The following SEMA3A variants were observed in gnomAD, a reference collection of about 807,000 sequenced individuals.
The protein encoded by SEMA3A is semaphorin 3A, also known as semaphorin-3A.
A neutral mutation model predicts 97.9 loss-of-function variants in SEMA3A; 29 were observed. The ratio of observed to expected loss-of-function variants is 0.30; its 90% CI spans 0.22 to 0.40. The LOEUF (loss-of-function observed/expected upper bound fraction) is 0.40. Among genes scored for constraint, SEMA3A ranks in the 10% least tolerant of loss-of-function variants. The probability of loss-of-function intolerance (pLI) is 1.00; values close to 1 mark genes in which losing one functional copy is unlikely to be tolerated. For missense variants in SEMA3A, 763 were observed against 951.3 expected (o/e 0.80, Z 2.60); for synonymous variants, 321 against 323.7 (o/e 0.99, Z 0.09).
intron 3 of SEMA3A, among the ~76,000 whole-genome samples, chr7:84,230,682 G>A (rs1256070199): frequency 6.6e-6 from 1 of 151,582 alleles, no homozygotes; most frequent in Non-Finnish European, 1.5e-5. Context: ...TGTTGTCATC[G>A]GCTTGGTTTG....
chr7:84,283,916 A>T (rs959073677), intron 3 of SEMA3A, among the ~76,000 whole-genome samples: 1 of 152,018 alleles, frequency 6.6e-6, no homozygotes, highest in Non-Finnish European at 1.5e-5. Context: ...TATTCCTTAA[A>T]TTTTTTTCCT....
chr7:84,160,891 T>C (rs1372944103), intron 1 of SEMA3A, among the ~76,000 whole-genome samples: 2 of 150,588 alleles, frequency 1.3e-5, no homozygotes, highest in Non-Finnish European at 3.0e-5. Flanking sequence ...AAAAAATAAA[T>C]AAATAAATAA....
chr7:84,364,195 C>G (rs1055147441), intron 2 of SEMA3A, among the ~76,000 whole-genome samples: 1 of 151,322 alleles, frequency 6.6e-6, no homozygotes, highest in Non-Finnish European at 1.5e-5. Context: ...TAAACAAAAC[C>G]TTTTAGGAAC....
At chr7:84,065,790 C>T (rs1262381454) in intron 4 of SEMA3A, among the ~76,000 whole-genome samples, 2 of 152,084 alleles carry the variant, frequency 1.3e-5, no homozygotes, top group African/African-American at 4.8e-5. Context: ...AGCTTACCAA[C>T]CAAAAAGAGT....
intron 3 of SEMA3A, among the ~76,000 whole-genome samples, chr7:84,301,571 G>T (rs1801017218): frequency 6.6e-6 from 1 of 152,116 alleles, no homozygotes; most frequent in South Asian, 2.1e-4. Context: ...TTCATGCCAT[G>T]AAGTTTTGCT....
At chr7:84,394,035 A>G (rs1803659822) in intron 1 of SEMA3A, among the ~76,000 whole-genome samples, 1 of 152,144 alleles carries the variant, frequency 6.6e-6, no homozygotes, top group African/African-American at 2.4e-5. Context: ...TAAGCACAAG[A>G]AAAGAGCTGG....
chr7:84,093,971 C>G (rs1247029832), intron 4 of SEMA3A, among the ~76,000 whole-genome samples: 3 of 150,990 alleles, frequency 2.0e-5, no homozygotes, highest in Non-Finnish European at 4.4e-5. Flanking sequence ...GCACCAGGAA[C>G]CAAAGGCCAA....
chr7:84,134,694 C>G (rs535479215), intron 2 of SEMA3A, 100 bp downstream of exon 2: 5 of 920,922 alleles, frequency 5.4e-6, no homozygotes, highest in Non-Finnish European at 7.7e-6. Context: ...TAATTCAAAA[C>G]AATTTTCTGT....
chr7:84,379,437 C>T (rs143344187), intron 1 of SEMA3A, among the ~76,000 whole-genome samples: 23 of 152,052 alleles, frequency 1.5e-4, no homozygotes, highest in Admixed American at 5.2e-4. Context: ...CAAGGATAAA[C>T]GTTTCTCAGA....
chr7:84,086,604 A>ATAT (rs1382445049), intron 4 of SEMA3A, among the ~76,000 whole-genome samples: 2 of 141,492 alleles, frequency 1.4e-5, no homozygotes, highest in African/African-American at 5.2e-5. Context: ...TTATATTTAT[A>ATAT]ATCCTCACAA....
intron 4 of SEMA3A, among the ~76,000 whole-genome samples, chr7:84,099,098 T>G (rs1794868544): frequency 2.2e-5 from 1 of 45,840 alleles, no homozygotes; most frequent in Non-Finnish European, 6.6e-5. Context: ...TGAGACGGAG[T>G]CTCGCTCTGT....
intron 15 of SEMA3A, among the ~76,000 whole-genome samples, chr7:83,974,693 C>A (rs1789067210): frequency 6.6e-6 from 1 of 152,030 alleles, no homozygotes; most frequent in Non-Finnish European, 1.5e-5. Flanking sequence ...CTTAGCATGG[C>A]CAAATGGGAA....
Position 84,345,636 on chromosome 7 carries a change from A to G in SEMA3A, c.-169+26188T>C, listed in dbSNP as rs376596484. Among the ~76,000 whole-genome samples, 16 of 152,234 alleles carry G rather than the reference A, an allele frequency of 1.1e-4. No homozygotes were observed. In the East Asian group the frequency reaches 1.2e-3, roughly 11 times the overall value. On this transcript the variant is annotated intron_variant, in intron 2 of 3. Coordinates refer to the SEMA3A transcript ENST00000424555. ...TTTATACTCAAGAAACCACTTTCTT[A>G]TACACCCATAAGAAGCAACTCCTTA...
intron 2 of SEMA3A, among the ~76,000 whole-genome samples, chr7:84,317,480 T>C (rs1185471137): frequency 1.3e-5 from 2 of 152,220 alleles, no homozygotes; most frequent in African/African-American, 2.4e-5. Flanking sequence ...TAGAGCTTTA[T>C]CATAAGATAG....
intron 3 of SEMA3A, among the ~76,000 whole-genome samples, chr7:84,302,666 A>G (rs1186876746): frequency 6.6e-6 from 1 of 152,160 alleles, no homozygotes; most frequent in Non-Finnish European, 1.5e-5. Flanking sequence ...TCACGAAAAC[A>G]AAAATTGCTG....
chr7:84,431,851 T>C (rs1804989333), intron 1 of SEMA3A, among the ~76,000 whole-genome samples: 1 of 151,988 alleles, frequency 6.6e-6, no homozygotes, highest in South Asian at 2.1e-4. Context: ...GAGGACTATA[T>C]GTAAAGAAAT....
At chr7:84,186,756 A>T (rs201234099) in intron 1 of SEMA3A, among the ~76,000 whole-genome samples, 17 of 124,002 alleles carry the variant, frequency 1.4e-4, no homozygotes, top group East Asian at 6.7e-4. Flanking sequence ...CTACATATTT[A>T]AAAAAAAAAA....
intron 2 of SEMA3A, among the ~76,000 whole-genome samples, chr7:84,309,469 G>T (rs557882659): frequency 6.6e-6 from 1 of 152,310 alleles, no homozygotes; most frequent in African/African-American, 2.4e-5. Flanking sequence ...GGAGTGTTCA[G>T]ATTGTTCAGG....
At chr7:84,127,160 C>A (rs2116011089) in intron 3 of SEMA3A, among the ~76,000 whole-genome samples, 1 of 152,162 alleles carries the variant, frequency 6.6e-6, no homozygotes, top group African/African-American at 2.4e-5. Context: ...AAGGCCCTGA[C>A]TTTCCGATTT....
Sources: allele counts gnomAD v4.1 joint callset (sites outside exome capture counted in the v4.1 genomes callset), GRCh38; gene constraint gnomAD v4.1.1; transcripts MANE v1.5; gene names NCBI Gene and HGNC (gene_info 2026-07-23, HGNC 2026-07-21).